The following PIEZO1 variants were observed in gnomAD, a reference collection of about 807,000 sequenced individuals.
PIEZO1 encodes piezo-type mechanosensitive ion channel component 1.
In PIEZO1, 296 loss-of-function variants were observed where a neutral mutation model predicts 297.2. The ratio of observed to expected loss-of-function variants is 1.00; its 90% CI spans 0.91 to 1.10. The LOEUF is 1.10. Among genes scored for constraint, PIEZO1 ranks in the 50% least tolerant of loss-of-function variants. The pLI is 0.00. For missense variants in PIEZO1, 5,018 were observed against 3,455.5 expected (o/e 1.45, Z -11.34); for synonymous variants, 2,427 against 1,507.5 (o/e 1.61, Z -14.13).
chr16:88,719,880 C>A lies in PIEZO1; in HGVS notation c.6245G>T (p.Arg2082Leu). 1 of 1,550,574 alleles carries A rather than the reference C, an allele frequency of 6.4e-7. No individual in the cohort carries two copies. Among genetic ancestry groups the A allele is most frequent in the Non-Finnish European group, 8.7e-7 (1 of 1,146,936 alleles). The change falls in exon 43 of 51, where the codon CGC (arginine) becomes CTC (leucine). Residue 2082 changes from arginine to leucine, a missense_variant. By Grantham distance (102) the Arg-to-Leu change is moderately radical. Coordinates refer to ENST00000301015, the MANE Select transcript of PIEZO1 (RefSeq NM_001142864.4). ...IYFALSAYQIRCGYPTRILGN... is the reference protein window; with the variant it reads ...IYFALSAYQILCGYPTRILGN... ...GAGGATGCGGGTGGGGTAGCCGCAG[C>A]GGATCTGGTAGGCGGACAGGGCGAA...
intron 1 of PIEZO1, among the ~76,000 whole-genome samples, chr16:88,757,643 G>C (rs966272692): frequency 6.6e-6 from 1 of 152,158 alleles, no homozygotes; most frequent in Admixed American, 6.5e-5. Flanking sequence ...CTGGGAAGCA[G>C]GAGAGCCCGA....
chr16:88,738,790 CT>C, intron 5 of PIEZO1, 54 bp from the exon 6 acceptor site: 1 of 1,450,940 alleles, frequency 6.9e-7, no homozygotes, highest in Non-Finnish European at 9.3e-7. Context: ...GACGCCACCT[CT>C]CCAGCCCACA....
Position 88,715,435 on chromosome 16 carries a change from G to C in PIEZO1, c.*170C>G, listed in dbSNP as rs113882095. 2.2e-6 allele frequency: 2 copies of C among 921,180 alleles called. No individual in the cohort carries two copies. The highest frequency in any genetic ancestry group is 3.2e-6 in the Non-Finnish European group (2 of 620,544). The allele number at this position is 921,180 out of a possible 1,614,324, so 57.1% of individuals were successfully genotyped here. A position where few individuals can be genotyped will look rare whatever the true frequency, so the allele number is the denominator to read the frequency against. On this transcript the variant is annotated 3_prime_UTR_variant, in exon 51 of 51. Transcript: ENST00000301015. ...GCAGCGCCACGCAGGCCGTGGGGAC[G>C]CAGTGTCCTTCTCTGACAGCAGCAT...
Position 88,734,015 on chromosome 16 carries a change from C to G in PIEZO1, c.2220G>C (p.Glu740Asp). ...AVSGTPLLRE[E>D]QQEHQQQQQE... ...GCTGCTGCTGCTGATGCTCCTGCTG[C>G]TCCTCCCGCAGCAGTGGGGTCCCAC... The change falls in exon 17 of 51, where the codon GAG (glutamate) becomes GAC (aspartate). Residue 740 changes from glutamate (E) to aspartate (D), a missense_variant. Glu to Asp is a conservative substitution (Grantham distance 45). Coordinates refer to ENST00000301015, the MANE Select transcript of PIEZO1 (RefSeq NM_001142864.4). The G allele has an allele frequency of 6.5e-7, 1 of 1,547,520 alleles. No individual in the cohort carries two copies. The highest frequency in any genetic ancestry group is 2.4e-5 in the East Asian group (1 of 40,892).
rs1443686194 is a variant in PIEZO1, at chr16:88,716,270, G to A, written c.7057C>T (p.Pro2353Ser). The change falls in exon 49 of 51, where the codon CCT (proline) becomes TCT (serine). Residue 2353 changes from proline (P) to serine (S), a missense_variant. Pro to Ser is a moderately conservative substitution (Grantham distance 74). Coordinates refer to ENST00000301015, the MANE Select transcript of PIEZO1 (RefSeq NM_001142864.4). ...EGTSDQSVVI[P>S]NLFPKYIRAP... ...CGGATGTACTTGGGGAAGAGATTAG[G>A]GATGACCCTGCAGGGAGGTGCTGGC... is the stretch of plus-strand genomic sequence containing the variant. 1 of 1,491,130 alleles carries A rather than the reference G, an allele frequency of 6.7e-7. No homozygotes were observed. 92.4% of individuals were successfully genotyped at this position (1,491,130 alleles called of 1,614,324 possible). A position where few individuals can be genotyped will look rare whatever the true frequency, so the allele number is the denominator to read the frequency against.
chr16:88,731,812 G>A lies in PIEZO1; in HGVS notation c.3090C>T (p.His1030=). 4.0e-6 allele frequency: 6 copies of A among 1,516,336 alleles called. No individual in the cohort carries two copies. Among genetic ancestry groups the A allele is most frequent in the Non-Finnish European group, 5.3e-6 (6 of 1,127,534 alleles). The allele number at this position is 1,516,336 out of a possible 1,614,324, so 93.9% of individuals were successfully genotyped here. Reference sequence around the variant, plus strand: ...GCCAGAGGCGGGCAATGGCCTGGCGGTGCCTGCGGGTGAGGATGGCCACCA... The same window carrying A: ...GCCAGAGGCGGGCAATGGCCTGGCGATGCCTGCGGGTGAGGATGGCCACCA... ...CWLVAILTRR[H]RQAIARLWPN... Residue 1030 remains histidine (H), a synonymous_variant, in exon 22 of 51, where the codon CAC becomes CAT. Coordinates refer to ENST00000301015, the MANE Select transcript of PIEZO1 (RefSeq NM_001142864.4).
chr16:88,772,607 C>T (rs1476634737), intron 1 of PIEZO1, among the ~76,000 whole-genome samples: 3 of 152,140 alleles, frequency 2.0e-5, no homozygotes, highest in South Asian at 2.1e-4. Flanking sequence ...GGTAAAACCC[C>T]GTCTCTACTA....
chr16:88,724,297 G>A (rs1904309794), intron 30 of PIEZO1, among the ~76,000 whole-genome samples: 1 of 152,262 alleles, frequency 6.6e-6, no homozygotes, highest in African/African-American at 2.4e-5. Context: ...GTGGGAGGCT[G>A]AGGCGGGCGG....
intron 29 of PIEZO1, among the ~76,000 whole-genome samples, 165 bp from the exon 30 acceptor site, chr16:88,725,245 G>C (rs114146894): frequency 6.6e-6 from 1 of 152,190 alleles, no homozygotes; most frequent in African/African-American, 2.4e-5. Flanking sequence ...GTGCGTGGAC[G>C]GACAGTCACA....
Position 88,721,358 on chromosome 16 carries a change from C to CCTGCTCCTCCTCGCCG in PIEZO1, c.5460_5475dup (p.Gly1826ArgfsTer45). On this transcript the variant is annotated frameshift_variant, in exon 39 of 51. Coordinates refer to ENST00000301015, the MANE Select transcript of PIEZO1 (RefSeq NM_001142864.4). LOFTEE classifies it high-confidence loss of function. ...GGCACCCCTGGCCCCTCCTCGGCTC[C>CCTGCTCCTCCTCGCCG]CTGCTCCTCCTCGCCGCTCTTGTCA... The CCTGCTCCTCCTCGCCG allele has an allele frequency of 1.3e-6, 2 of 1,549,256 alleles. No homozygotes were observed. The highest frequency in any genetic ancestry group is 1.7e-6 in the Non-Finnish European group (2 of 1,146,930).
Position 88,725,414 on chromosome 16 carries a change from A to C in PIEZO1, c.4162+2T>G, listed in dbSNP as rs1315763020. 3 of 1,444,884 alleles carry C rather than the reference A, an allele frequency of 2.1e-6. No individual in the cohort carries two copies. Among genetic ancestry groups the C allele is most frequent in the Admixed American group, 2.7e-5 (1 of 37,680 alleles). The allele number at this position is 1,444,884 out of a possible 1,614,324, so 89.5% of individuals were successfully genotyped here. On this transcript the variant is annotated splice_donor_variant, in intron 29 of 50. Coordinates refer to ENST00000301015, the MANE Select transcript of PIEZO1 (RefSeq NM_001142864.4). LOFTEE classifies it high-confidence loss of function. ...TGGGTGCCCGACTCCAGCTGCACTC[A>C]CCTGGCTCCAGGCCGGGGTCCTTGG...
At chr16:88,719,458 C>T (rs937729801) in intron 44 of PIEZO1, 116 bp downstream of exon 44, 1 of 982,274 alleles carries the variant, frequency 1.0e-6, no homozygotes, top group Non-Finnish European at 1.5e-6. Flanking sequence ...TCCCCATGGG[C>T]TCCGAGCCCT....
intron 29 of PIEZO1, 32 bp from the exon 30 acceptor site, chr16:88,725,112 A>T (rs1218311684): frequency 1.4e-6 from 2 of 1,462,836 alleles, no homozygotes; most frequent in Non-Finnish European, 1.8e-6. Flanking sequence ...ATGAGGCAGC[A>T]GTCAAGCCAC....
rs914767829 is a variant in PIEZO1, at chr16:88,733,422, C to T, written c.2520G>A (p.Leu840=). ...VSVMNLLLVV[L]WAFALPYPRF... ...GTGGGTAGGGCAGGGCGAAGGCCCA[C>T]AGCACCACCAGCAGCAGGTTCATCA... The change falls in exon 19 of 51, where the codon CTG becomes CTA. Residue 840 remains leucine (L), a synonymous_variant. Transcript: ENST00000301015. The T allele has an allele frequency of 1.3e-6, 2 of 1,549,612 alleles. No individual in the cohort carries two copies. Among genetic ancestry groups the T allele is most frequent in the Non-Finnish European group, 1.7e-6 (2 of 1,146,392 alleles).
rs1268994937 is a variant in PIEZO1, at chr16:88,717,082, C to T, written c.6601G>A (p.Val2201Ile). ...LLFMSLVRSV[V>I]GVVNQPIDVT... ...TCGATGGGCTGGTTGACAACCCCAA[C>T]CACGGAGCGCACCAGCGACATGAAG... is the stretch of plus-strand genomic sequence containing the variant. Residue 2201 changes from valine to isoleucine, a missense_variant, in exon 45 of 51, where the codon GTT becomes ATT. By Grantham distance (29) the Val-to-Ile change is conservative. Transcript: ENST00000301015. 1.3e-6 allele frequency: 2 copies of T among 1,551,052 alleles called. No individual in the cohort carries two copies. The highest frequency in any genetic ancestry group is 2.4e-5 in the East Asian group (1 of 40,936).
rs773006843 is a variant in PIEZO1 at position 88,726,329 on chromosome 16, A to G, written c.3923T>C (p.Leu1308Pro). 8.3e-5 allele frequency: 128 copies of G among 1,550,332 alleles called. No individual in the cohort carries two copies. In the African/African-American group the frequency reaches 1.7e-3, roughly 20 times the overall value. ...GGCCTGGAGGTCGGCCCTGACGTGC[A>G]GGTAGTAATGGCTAAGGAAGACGCG... is the stretch of plus-strand genomic sequence containing the variant. ...QRRVFLSHYY[L>P]HVRADLQATA... is the part of the protein sequence containing the mutation. The change falls in exon 27 of 51, where the codon CTG becomes CCG. Residue 1308 changes from leucine (L) to proline (P), a missense_variant. Transcript: ENST00000301015.
intron 1 of PIEZO1, among the ~76,000 whole-genome samples, chr16:88,764,571 C>T (rs1358727866): frequency 2.0e-5 from 3 of 151,772 alleles, no homozygotes; most frequent in Non-Finnish European, 4.4e-5. Context: ...GCCAACATGA[C>T]GAAACCCCGT....
rs1410771794 is a variant in PIEZO1 at position 88,736,135 on chromosome 16, G to A, written c.1557+13C>T. 3 of 1,537,356 alleles carry A rather than the reference G, an allele frequency of 2.0e-6. No individual in the cohort carries two copies. Among genetic ancestry groups the A allele is most frequent in the Admixed American group, 2.0e-5 (1 of 50,670 alleles). ...GCACCCAGGCACCCCCGGATGTGGT[G>A]GTGCACACTCACCATGGCACCAAGG... On this transcript the variant is annotated intron_variant, in intron 12 of 50. Transcript: ENST00000301015.
chr16:88,717,184 T>C lies in PIEZO1; in HGVS notation c.6499A>G (p.Lys2167Glu), dbSNP rs1240069854. 6.5e-7 allele frequency: 1 copy of C among 1,550,318 alleles called. No homozygotes were observed. Among genetic ancestry groups the C allele is most frequent in the Admixed American group, 2.0e-5 (1 of 51,010 alleles). Reference protein sequence around the residue: ...KKYPQPKGQKKKKIVKYGMGG... With the variant: ...KKYPQPKGQKEKKIVKYGMGG... ...ATGCCGTACTTGACGATCTTCTTCT[T>C]CTTCTGCCCTTTGGGCTGCGGGTAT... is the stretch of plus-strand genomic sequence containing the variant. The change falls in exon 45 of 51, where the codon AAG (lysine) becomes GAG (glutamate). Residue 2167 changes from lysine (K) to glutamate (E), a missense_variant. Transcript: ENST00000301015.
Sources: allele counts gnomAD v4.1 joint callset (sites outside exome capture counted in the v4.1 genomes callset), GRCh38; gene constraint gnomAD v4.1.1; transcripts MANE v1.5; gene names NCBI Gene and HGNC (gene_info 2026-07-23, HGNC 2026-07-21).